The following ARPC1B variants were observed in gnomAD, a reference collection of about 807,000 sequenced individuals.
ARPC1B encodes the protein actin related protein 2/3 complex subunit 1B, also known as actin-related protein 2/3 complex subunit 1B.
ARPC1B carries 29 observed loss-of-function variants against 46.0 expected under a neutral mutation model. The observed-to-expected ratio is 0.63, with a 90% confidence interval of 0.47 to 0.86. The LOEUF (loss-of-function observed/expected upper bound fraction) is 0.86. Ranked by LOEUF, ARPC1B falls within the 40% of genes least tolerant of loss-of-function variation. ARPC1B has a pLI of 0.00. For missense variants in ARPC1B, 469 were observed against 529.4 expected (o/e 0.89, Z 1.12); for synonymous variants, 201 against 213.9 (o/e 0.94, Z 0.53).
chr7:99,377,233 A>C (rs1277937178), intron 1 of ARPC1B: 2 of 152,062 alleles, frequency 1.3e-5, no homozygotes, highest in Non-Finnish European at 2.9e-5. Flanking sequence ...TCCTGGCCTT[A>C]AGCGATCCTC....
chr7:99,389,974 T>C lies in ARPC1B; in HGVS notation c.462T>C (p.Asn154=), dbSNP rs766136466. ...TVLSLDWHPN[N]VLLAAGSCDF... Reference sequence around the variant, plus strand: ...TCAGCCTGGACTGGCACCCCAACAATGTGCTGCTGGCTGCCGGCTCCTGTG... The same window carrying C: ...TCAGCCTGGACTGGCACCCCAACAACGTGCTGCTGGCTGCCGGCTCCTGTG... Residue 154 remains asparagine (N), a synonymous_variant, in exon 5 of 10, where the codon AAT becomes AAC. Coordinates refer to ENST00000646101, the MANE Select transcript of ARPC1B (RefSeq NM_005720.4). 5.0e-6 allele frequency: 8 copies of C among 1,613,984 alleles called. No homozygotes were observed. Among genetic ancestry groups the C allele is most frequent in the African/African-American group, 2.7e-5 (2 of 74,920 alleles).
At chr7:99,385,848 A>G in intron 2 of ARPC1B, 70 bp downstream of exon 2, 1 of 1,489,442 alleles carries the variant, frequency 6.7e-7, no homozygotes, top group Non-Finnish European at 9.1e-7. Context: ...CAGAGCACAC[A>G]TGGGGACTCT....
At chr7:99,385,989 G>T (rs555871762) in intron 2 of ARPC1B, among the ~76,000 whole-genome samples, 1 of 152,302 alleles carries the variant, frequency 6.6e-6, no homozygotes, top group East Asian at 1.9e-4. Context: ...GGTAGCTCAT[G>T]CCTGTAATCC....
chr7:99,379,387 G>C (rs1794140272), intron 1 of ARPC1B, among the ~76,000 whole-genome samples: 1 of 152,192 alleles, frequency 6.6e-6, no homozygotes, highest in Admixed American at 6.6e-5. Context: ...CCCAGCATAG[G>C]AAGTTGAGTA....
chr7:99,384,744 C>T (rs1174098533), intron 1 of ARPC1B, among the ~76,000 whole-genome samples: 4 of 152,114 alleles, frequency 2.6e-5, no homozygotes, highest in African/African-American at 9.7e-5. Flanking sequence ...TGCAGACCGG[C>T]CACCTCCCTT....
chr7:99,385,695 G>T lies in ARPC1B; in HGVS notation c.-13-7G>T. 6.2e-7 allele frequency: 1 copy of T among 1,605,114 alleles called. No individual in the cohort carries two copies. On this transcript the variant is annotated splice_region_variant and splice_polypyrimidine_tract_variant and intron_variant, in intron 1 of 9. Transcript: ENST00000646101. Reference sequence around the variant, plus strand: ...ACGTGGATTCTCTCTTCCTCTCTCGGGCACAGGAGCCAAGCCGCCATGGCC... The same window carrying T: ...ACGTGGATTCTCTCTTCCTCTCTCGTGCACAGGAGCCAAGCCGCCATGGCC...
intron 1 of ARPC1B, among the ~76,000 whole-genome samples, chr7:99,379,588 G>A (rs746842593): frequency 1.3e-5 from 2 of 152,124 alleles, no homozygotes; most frequent in African/African-American, 2.4e-5. Flanking sequence ...GAAGGGTCCC[G>A]CAGCCTGTGC....
In ARPC1B at chr7:99,394,698, G is replaced by GGAA. The variant is rs545897506; in HGVS notation, c.*209_*210insGAA. The stretch of plus-strand genomic sequence containing the variant: ...TTTTTCTTAAATGCTTTCATTTATT[G>GGAA]AAAAAAAAAAAAAATGCCCCCAAAG... On this transcript the variant is annotated 3_prime_UTR_variant, in exon 10 of 10. Coordinates refer to ENST00000646101, the MANE Select transcript of ARPC1B (RefSeq NM_005720.4). 1.3e-6 allele frequency: 1 copy of GGAA among 762,656 alleles called. No individual in the cohort carries two copies. Among genetic ancestry groups the GGAA allele is most frequent in the African/African-American group, 2.0e-5 (1 of 48,956 alleles). The allele number at this position is 762,656 out of a possible 1,614,324, so 47.2% of individuals were successfully genotyped here. A position where few individuals can be genotyped will look rare whatever the true frequency, so the allele number is the denominator to read the frequency against.
At position 99,382,008 on chromosome 7, in the gene ARPC1B, T is replaced by C. The variant is rs375573549; in HGVS notation, c.-13-3694T>C. On this transcript the variant is annotated intron_variant, in intron 1 of 9. Coordinates refer to ENST00000646101, the MANE Select transcript of ARPC1B (RefSeq NM_005720.4). Reference sequence around the variant, plus strand: ...AGCCACATTATCTAATGGCTGTCACTGGTGACTCTGGGCAGGTGGCCTCAG... The same window carrying C: ...AGCCACATTATCTAATGGCTGTCACCGGTGACTCTGGGCAGGTGGCCTCAG... 7.6e-4 allele frequency among the ~76,000 whole-genome samples: 115 copies of C among 152,314 alleles called. 2 individuals carry two copies. In the East Asian group the frequency reaches 0.011, roughly 15 times the overall value.
Position 99,392,763 on chromosome 7 carries a change from G to T in ARPC1B, c.876G>T (p.Ser292=). 6.5e-7 allele frequency: 1 copy of T among 1,549,784 alleles called. No individual in the cohort carries two copies. Among genetic ancestry groups the T allele is most frequent in the South Asian group, 1.2e-5 (1 of 84,044 alleles). Residue 292 remains serine, a synonymous_variant, in exon 8 of 10, where the codon TCG becomes TCT. Coordinates refer to ENST00000646101, the MANE Select transcript of ARPC1B (RefSeq NM_005720.4). ...GGRLDVPKQS[S]QRGLTARERF... ...GGCTGGACGTTCCTAAGCAGAGCTC[G>T]CAGCGTGGCTTGACGGCCCGCGAGC...
chr7:99,394,408 C>T (rs769665243), intron 9 of ARPC1B, 43 bp from the exon 10 acceptor site: 2 of 1,545,110 alleles, frequency 1.3e-6, no homozygotes, highest in Admixed American at 1.7e-5. Flanking sequence ...GGGGTGCCTG[C>T]AGGACAGCTG....
intron 3 of ARPC1B, among the ~76,000 whole-genome samples, chr7:99,387,598 A>G (rs1161364731): frequency 1.3e-5 from 2 of 152,072 alleles, no homozygotes; most frequent in African/African-American, 4.8e-5. Flanking sequence ...TTAGCCAGGC[A>G]TGATGGCGGG....
chr7:99,393,976 T>G, intron 8 of ARPC1B, 53 bp from the exon 9 acceptor site: 63 of 1,584,994 alleles, frequency 4.0e-5, no homozygotes, highest in Non-Finnish European at 4.7e-5. Flanking sequence ...AGGGTGGGCC[T>G]GAGCCCAGCG....
In ARPC1B at chr7:99,394,030, C is replaced by T. The variant is rs1411190524; in HGVS notation, c.991C>T (p.Gln331Ter). Residue 331 changes from glutamine to a stop codon, truncating the protein, a stop_gained and splice_region_variant, in exon 9 of 10, where the codon CAG becomes TAG. Transcript: ENST00000646101. LOFTEE classifies it high-confidence loss of function. ...ATAAGCTCCTCTTCCTCTTTGCAGC[C>T]AGATCTCGGTGCTCAGCGGCGGCAA... is the stretch of plus-strand genomic sequence containing the variant. Reference protein sequence around the residue: ...LDSLHKNSVSQISVLSGGKAK... With the variant: ...LDSLHKNSVS 6 of 1,612,824 alleles carry T rather than the reference C, an allele frequency of 3.7e-6. No individual in the cohort carries two copies. Among genetic ancestry groups the T allele is most frequent in the African/African-American group, 1.3e-5 (1 of 74,946 alleles).
chr7:99,391,545 G>A (rs1176923232), intron 7 of ARPC1B, among the ~76,000 whole-genome samples: 1 of 152,078 alleles, frequency 6.6e-6, no homozygotes, highest in Admixed American at 6.6e-5. Context: ...ACGAGTTTGA[G>A]ACCAGCCCGG....
chr7:99,388,424 G>C (rs1794464392), intron 4 of ARPC1B, among the ~76,000 whole-genome samples, 163 bp downstream of exon 4: 1 of 152,148 alleles, frequency 6.6e-6, no homozygotes, highest in African/African-American at 2.4e-5. Flanking sequence ...GGGCCTCTCT[G>C]CAGCGTCCGG....
At chr7:99,385,293 G>A (rs1278422576) in intron 1 of ARPC1B, among the ~76,000 whole-genome samples, 2 of 137,418 alleles carry the variant, frequency 1.5e-5, no homozygotes, top group Non-Finnish European at 3.0e-5. Context: ...TAATGGGGCA[G>A]GGGAAGTTGG....
intron 1 of ARPC1B, among the ~76,000 whole-genome samples, chr7:99,375,328 C>A (rs574710210): frequency 6.6e-6 from 1 of 152,298 alleles, no homozygotes; most frequent in Non-Finnish European, 1.5e-5. Flanking sequence ...GCCGCCCCGC[C>A]CCTGCCCTCC....
chr7:99,394,295 T>A, intron 9 of ARPC1B, 156 bp from the exon 10 acceptor site: 1 of 1,034,064 alleles, frequency 9.7e-7, no homozygotes, highest in East Asian at 2.4e-5. Flanking sequence ...GGGGCACCCG[T>A]CTTCAGGGCC....
Sources: gnomAD v4.1 joint callset for allele counts (sites outside exome capture counted in the v4.1 genomes callset) on GRCh38, gnomAD v4.1.1 for gene constraint, MANE v1.5 for transcripts, NCBI Gene and HGNC (gene_info 2026-07-23, HGNC 2026-07-21) for gene names.